Variants in FUBP3 observed in about 807,000 individuals in gnomAD.
The protein encoded by FUBP3 is far upstream element-binding protein 3.
In FUBP3, 28 loss-of-function variants were observed where a neutral mutation model predicts 85.6. The observed-to-expected ratio is 0.33, with a 90% confidence interval of 0.24 to 0.45. The LOEUF is 0.45. Among genes scored for constraint, FUBP3 ranks in the 20% least tolerant of loss-of-function variants. The probability of loss-of-function intolerance (pLI) is 1.00; values close to 1 mark genes in which losing one functional copy is unlikely to be tolerated. For synonymous variants in FUBP3, 271 were observed against 271.4 expected, an observed-to-expected ratio of 1.00 and a Z score of 0.01; for missense variants, 583 against 755.1, an observed-to-expected ratio of 0.77 and a Z score of 2.67.
chr9:130,613,035 CT>C lies in FUBP3; in HGVS notation c.346+13del. ...AAATTCAGATTGCTTCAGGTAAGGG[CT>C]TTTTAAAAATAGATATCAATTTTGT... On this transcript the variant is annotated intron_variant, in intron 5 of 18. Coordinates refer to ENST00000319725, the MANE Select transcript of FUBP3 (RefSeq NM_003934.2). 1 of 1,575,622 alleles carries C rather than the reference CT, an allele frequency of 6.3e-7. No homozygotes were observed. The highest frequency in any genetic ancestry group is 8.7e-7 in the Non-Finnish European group (1 of 1,146,374).
chr9:130,602,595 C>A (rs188534000), intron 2 of FUBP3, among the ~76,000 whole-genome samples: 3 of 152,218 alleles, frequency 2.0e-5, no homozygotes, highest in Non-Finnish European at 4.4e-5. Flanking sequence ...GGAAGTGAAT[C>A]TCAGAAGTGT....
rs1399362765 is a variant in FUBP3, at chr9:130,620,473, C to T, written c.771+15C>T. 4 of 1,349,352 alleles carry T rather than the reference C, an allele frequency of 3.0e-6. No homozygotes were observed. The South Asian group carries it at 5.0e-5, about 17-fold the overall frequency. The allele number at this position is 1,349,352 out of a possible 1,614,324, so 83.6% of individuals were successfully genotyped here. A position where few individuals can be genotyped will look rare whatever the true frequency, so the allele number is the denominator to read the frequency against. On this transcript the variant is annotated intron_variant, in intron 9 of 18. Coordinates refer to ENST00000319725, the MANE Select transcript of FUBP3 (RefSeq NM_003934.2). ...GCAGTATAGAGGTATGCTTAAATTA[C>T]AGGTTAGTAGGCAAATGAGATGAGG...
rs1012689349 is a variant in FUBP3 at position 130,637,171 on chromosome 9, A to G, written c.*149A>G. ...ATATTTAGATTAACGGAATTTTTCT[A>G]AAAATCAGGAAAATTAGTTACTAAA... On this transcript the variant is annotated 3_prime_UTR_variant, in exon 19 of 19. Coordinates refer to ENST00000319725, the MANE Select transcript of FUBP3 (RefSeq NM_003934.2). The G allele has an allele frequency of 6.1e-6, 4 of 656,930 alleles. No homozygotes were observed. Among genetic ancestry groups the G allele is most frequent in the African/African-American group, 1.8e-5 (1 of 54,740 alleles). 40.7% of individuals were successfully genotyped at this position (656,930 alleles called of 1,614,324 possible).
chr9:130,610,444 C>T (rs1243754127), intron 3 of FUBP3, among the ~76,000 whole-genome samples: 1 of 152,148 alleles, frequency 6.6e-6, no homozygotes, highest in Non-Finnish European at 1.5e-5. Flanking sequence ...GGCCAGAAGC[C>T]AGGGTTCCAT....
intron 2 of FUBP3, among the ~76,000 whole-genome samples, chr9:130,607,872 C>A (rs1240257382): frequency 6.6e-6 from 1 of 152,218 alleles, no homozygotes; most frequent in African/African-American, 2.4e-5. Flanking sequence ...CTCAGTGATG[C>A]GGCTCTCAGC....
chr9:130,620,500 C>T lies in FUBP3; in HGVS notation c.771+42C>T, dbSNP rs549252560. The T allele has an allele frequency of 3.1e-6, 3 of 981,412 alleles. No individual in the cohort carries two copies. The East Asian group carries it at 7.7e-5, about 25-fold the overall frequency. 60.8% of individuals were successfully genotyped at this position (981,412 alleles called of 1,614,324 possible). A position where few individuals can be genotyped will look rare whatever the true frequency, so the allele number is the denominator to read the frequency against. ...GGTTAGTAGGCAAATGAGATGAGGA[C>T]TAAAGTTGTAGGTCACACTTTTGTT... On this transcript the variant is annotated intron_variant, in intron 9 of 18. Coordinates refer to ENST00000319725, the MANE Select transcript of FUBP3 (RefSeq NM_003934.2).
chr9:130,618,526 T>C (rs1832126547), intron 8 of FUBP3, among the ~76,000 whole-genome samples: 1 of 152,208 alleles, frequency 6.6e-6, no homozygotes, highest in Non-Finnish European at 1.5e-5. Flanking sequence ...TGGTTTTCTA[T>C]CCCCTGGGGT....
intron 1 of FUBP3, among the ~76,000 whole-genome samples, chr9:130,591,248 G>A (rs1830612124): frequency 6.6e-6 from 1 of 152,180 alleles, no homozygotes; most frequent in South Asian, 2.1e-4. Context: ...TTTGAGACCA[G>A]CCTGGCCAAC....
intron 11 of FUBP3, among the ~76,000 whole-genome samples, chr9:130,625,924 T>A (rs1050949761): frequency 1.4e-4 from 21 of 152,148 alleles, no homozygotes; most frequent in African/African-American, 4.8e-4. Flanking sequence ...TAGCAGTGCC[T>A]GGTTGGGGAG....
At position 130,612,967 on chromosome 9, in the gene FUBP3, G is replaced by A; in HGVS notation, c.286G>A (p.Gly96Arg). The A allele has an allele frequency of 6.2e-7, 1 of 1,611,622 alleles. No individual in the cohort carries two copies. Among genetic ancestry groups the A allele is most frequent in the Non-Finnish European group, 8.5e-7 (1 of 1,177,708 alleles). Residue 96 changes from glycine to arginine, a missense_variant, in exon 5 of 19, where the codon GGA (glycine) becomes AGA (arginine). Around this residue, in one of 3 missense-constraint regions of FUBP3, gnomAD observed 177 missense variants for 221.9 expected, o/e 0.80. Transcript: ENST00000319725. This position sits in a 1 kb window ranked among gnomAD's most constrained non-coding sequence, Gnocchi z 4.1. ...TCAATTTGTTTCAGTTATCGGCAGG[G>A]GAGGTGAGCAGATTTCACGGATTCA... Reference protein sequence around the residue: ...DKMVGFIIGRGGEQISRIQAE... With the variant: ...DKMVGFIIGRRGEQISRIQAE...
intron 1 of FUBP3, among the ~76,000 whole-genome samples, chr9:130,583,900 T>C (rs1237457732): frequency 6.6e-6 from 1 of 152,142 alleles, no homozygotes; most frequent in Non-Finnish European, 1.5e-5. Context: ...ATTTATCATA[T>C]AATATAATTA....
At chr9:130,603,208 G>A (rs955430667) in intron 2 of FUBP3, among the ~76,000 whole-genome samples, 1 of 152,060 alleles carries the variant, frequency 6.6e-6, no homozygotes, top group Admixed American at 6.5e-5. Context: ...TTAGCTGGAT[G>A]TGGTGGCGTG....
intron 1 of FUBP3, among the ~76,000 whole-genome samples, chr9:130,588,464 G>A (rs1186761140): frequency 3.3e-5 from 5 of 152,096 alleles, no homozygotes; most frequent in South Asian, 2.1e-4. Context: ...TTTAGTGTCC[G>A]AAAGTTCAGT....
At chr9:130,583,488 A>G (rs1048490037) in intron 1 of FUBP3, among the ~76,000 whole-genome samples, 1 of 152,228 alleles carries the variant, frequency 6.6e-6, no homozygotes, top group Non-Finnish European at 1.5e-5. Flanking sequence ...GGCTCAGTCA[A>G]GTGTGCTGAA....
chr9:130,592,691 G>A (rs1482193089), intron 1 of FUBP3, among the ~76,000 whole-genome samples: 1 of 151,942 alleles, frequency 6.6e-6, no homozygotes, highest in Admixed American at 6.6e-5. Flanking sequence ...CTACAGGAAT[G>A]CACCACCACG....
chr9:130,630,475 T>A (rs759391685), intron 12 of FUBP3, among the ~76,000 whole-genome samples, 153 bp from the exon 13 acceptor site: 9 of 152,234 alleles, frequency 5.9e-5, no homozygotes, highest in Non-Finnish European at 1.2e-4. Context: ...TTGGAACCAC[T>A]TTGGAGTAAA....
chr9:130,605,933 G>A (rs1440156973), intron 2 of FUBP3, among the ~76,000 whole-genome samples: 2 of 152,202 alleles, frequency 1.3e-5, no homozygotes, highest in East Asian at 1.9e-4. Flanking sequence ...GCAGTGAGCC[G>A]AGATCGCGCC....
intron 1 of FUBP3, among the ~76,000 whole-genome samples, chr9:130,592,374 G>A (rs986114718): frequency 2.6e-5 from 4 of 152,208 alleles, no homozygotes; most frequent in African/African-American, 9.7e-5. Context: ...GTGTGGCTGT[G>A]TTCTAACAAA....
At position 130,593,731 on chromosome 9, in the gene FUBP3, C is replaced by T. The variant is rs568944930; in HGVS notation, c.85-1752C>T. Among the ~76,000 whole-genome samples the T allele has an allele frequency of 9.2e-4, 140 of 152,342 alleles. 2 individuals are homozygous for T. The highest frequency in any genetic ancestry group is 6.8e-3 in the Middle Eastern group (2 of 294). ...CCACTGAAGACTTTGCTCTGGGGCACAGCTGTGCTAGCTGCCCCCAATAGA... is the reference window on the plus strand; with the variant it reads ...CCACTGAAGACTTTGCTCTGGGGCATAGCTGTGCTAGCTGCCCCCAATAGA... On this transcript the variant is annotated intron_variant, in intron 1 of 18. Transcript: ENST00000319725.
Sources: gnomAD v4.1 joint callset for allele counts (sites outside exome capture counted in the v4.1 genomes callset) on GRCh38, gnomAD v4.1.1 for gene constraint, gnomAD v4.1.1 regional missense constraint, Gnocchi (gnomAD v3.1) non-coding constraint, MANE v1.5 for transcripts, NCBI Gene and HGNC (gene_info 2026-07-23, HGNC 2026-07-21) for gene names.